PTPRA: variants seen among roughly 807,000 people sequenced by gnomAD.
The protein encoded by PTPRA is receptor-type tyrosine-protein phosphatase alpha.
A neutral mutation model predicts 104.8 loss-of-function variants in PTPRA; 25 were observed. The ratio of observed to expected loss-of-function variants is 0.24; its 90% confidence interval spans 0.17 to 0.33. The LOEUF (loss-of-function observed/expected upper bound fraction) is 0.33, where lower values mean the gene tolerates loss of function less well. Ranked by LOEUF, PTPRA falls within the 10% of genes least tolerant of loss-of-function variation. PTPRA has a pLI of 1.00. For synonymous variants in PTPRA, 323 were observed against 368.9 expected, an observed-to-expected ratio of 0.88 and a Z score of 1.43; for missense variants, 765 against 1,015.3, an observed-to-expected ratio of 0.75 and a Z score of 3.35.
chr20:2,898,784 G>C (rs2059118290), intron 1 of PTPRA, among the ~76,000 whole-genome samples: 1 of 151,978 alleles, frequency 6.6e-6, no homozygotes, highest in African/African-American at 2.4e-5. Context: ...CTTGAACCCG[G>C]GAGGCGGAGG....
In PTPRA at chr20:2,988,473, A is replaced by T; in HGVS notation, c.737A>T (p.Asn246Ile). 1 of 1,612,636 alleles carries T rather than the reference A, an allele frequency of 6.2e-7. No homozygotes were observed. The highest frequency in any genetic ancestry group is 1.1e-5 in the South Asian group (1 of 90,784). Residue 246 changes from asparagine (N) to isoleucine (I), a missense_variant and splice_region_variant, in exon 9 of 24, where the codon AAC becomes ATC. This residue lies in a region of PTPRA where 245 missense variants were observed against 398.7 expected (regional missense o/e 0.61). Coordinates refer to ENST00000399903, the MANE Select transcript of PTPRA (RefSeq NM_001385305.1). ...DDNKLFREEF[N>I]ALPACPIQAT... ...AATAAGCTCTTCAGGGAGGAATTCA[A>T]CGTGAGTACTTTGTTGAGGCTGGTG...
intron 20 of PTPRA, among the ~76,000 whole-genome samples, chr20:3,031,851 C>G (rs1483765003): frequency 6.6e-6 from 1 of 151,942 alleles, no homozygotes; most frequent in African/African-American, 2.4e-5. Flanking sequence ...ATTACCTTTC[C>G]TTATTCCCTC....
chr20:3,009,674 G>A (rs2064062902), intron 11 of PTPRA, among the ~76,000 whole-genome samples: 1 of 152,142 alleles, frequency 6.6e-6, no homozygotes, highest in South Asian at 2.1e-4. Flanking sequence ...AGTCGATAAG[G>A]AAAATGGAGA....
rs186666187 is a variant in PTPRA, at chr20:2,977,253, C to T, written c.442+2012C>T. Reference sequence around the variant, plus strand: ...ATCGCGCTCTTGGCTGCGATCCAGACTGCACTCCAGCCTGGGTGACAGAGC... The same window carrying T: ...ATCGCGCTCTTGGCTGCGATCCAGATTGCACTCCAGCCTGGGTGACAGAGC... On this transcript the variant is annotated intron_variant, in intron 6 of 23. Transcript: ENST00000399903. Among the ~76,000 whole-genome samples, 734 of 147,786 alleles carry T rather than the reference C, an allele frequency of 5.0e-3. 5 individuals carry two copies. The highest frequency in any genetic ancestry group is 0.018 in the African/African-American group (704 of 39,696).
At position 2,975,224 on chromosome 20, in the gene PTPRA, A is replaced by C; in HGVS notation, c.425A>C (p.Asp142Ala). Reference sequence around the variant, plus strand: ...TTTACTTATTACACAGGTAATTCTGACTCGAAGGACAGAAGAGGTGAGCTG... The same window carrying C: ...TTTACTTATTACACAGGTAATTCTGCCTCGAAGGACAGAAGAGGTGAGCTG... Reference protein sequence around the residue: ...PETFPPSGNSDSKDRRDETPI... With the variant: ...PETFPPSGNSASKDRRDETPI... The change falls in exon 6 of 24, where the codon GAC becomes GCC. Residue 142 changes from aspartate (D) to alanine (A), a missense_variant. By Grantham distance (126) the Asp-to-Ala change is moderately radical (BLOSUM62 -2). This residue lies in a region of PTPRA where 256 missense variants were observed against 248.9 expected (regional missense o/e 1.03). Transcript: ENST00000399903. 1.3e-6 allele frequency: 2 copies of C among 1,596,028 alleles called. No homozygotes were observed. Among genetic ancestry groups the C allele is most frequent in the Non-Finnish European group, 8.6e-7 (1 of 1,165,288 alleles).
At chr20:2,866,413 T>C in the PTPRA span, 1 of 1,614,118 alleles carries the variant, frequency 6.2e-7, no homozygotes, top group South Asian at 1.1e-5. Context: ...CCACCTCCTC[T>C]CTTGCTCAAA....
intron 20 of PTPRA, among the ~76,000 whole-genome samples, chr20:3,034,373 A>G (rs2065694578): frequency 2.6e-5 from 4 of 152,040 alleles, no homozygotes. Context: ...GCACACACAC[A>G]CTGTGGCTCA....
At chr20:2,866,638 G>T in the PTPRA span, 2 of 1,593,846 alleles carry the variant, frequency 1.3e-6, no homozygotes, top group Non-Finnish European at 1.7e-6. Flanking sequence ...TGGCAGAAGG[G>T]CCATAGTTCA....
chr20:3,002,746 A>C (rs1261859586), intron 9 of PTPRA, among the ~76,000 whole-genome samples: 2 of 152,166 alleles, frequency 1.3e-5, no homozygotes, highest in African/African-American at 2.4e-5. Flanking sequence ...ATAACAAGTA[A>C]TTCTTTAACA....
In PTPRA at chr20:3,024,483, C is replaced by T. The variant is rs1472375235; in HGVS notation, c.1476C>T (p.Val492=). Residue 492 remains valine (V), a synonymous_variant, in exon 17 of 24, where the codon GTC becomes GTT. Coordinates refer to ENST00000399903, the MANE Select transcript of PTPRA (RefSeq NM_001385305.1). ...CQMVQTDMQY[V]FIYQALLEHY... ...CATTCATGTTTCAGATGCAGTATGT[C>T]TTCATATACCAAGCCCTTCTGGAGC... The T allele has an allele frequency of 1.2e-6, 2 of 1,613,348 alleles. No homozygotes were observed. The highest frequency in any genetic ancestry group is 1.7e-6 in the Non-Finnish European group (2 of 1,179,492).
At chr20:2,867,948 C>G in the PTPRA span, among the ~76,000 whole-genome samples, 1 of 152,154 alleles carries the variant, frequency 6.6e-6, no homozygotes, top group Non-Finnish European at 1.5e-5. Flanking sequence ...TTATGTGGGT[C>G]AAGAATTTGG....
At chr20:2,975,939 T>A (rs1373073788) in intron 6 of PTPRA, among the ~76,000 whole-genome samples, 1 of 152,232 alleles carries the variant, frequency 6.6e-6, no homozygotes, top group Non-Finnish European at 1.5e-5. Context: ...AATTTTCTAT[T>A]TTATCAAATC....
chr20:3,025,038 TTGCAGGC>T (rs138794820), intron 17 of PTPRA, among the ~76,000 whole-genome samples: 10,376 of 152,232 alleles, frequency 0.068, 434 homozygotes, highest in Middle Eastern at 0.092. Flanking sequence ...AAAACTTTAT[TTGCAGGC>T]AGCAGGCAGC....
In PTPRA at chr20:3,019,471, G is replaced by T. The variant is rs1351164965; in HGVS notation, c.1041+1558G>T. 4.0e-5 allele frequency among the ~76,000 whole-genome samples: 6 copies of T among 149,120 alleles called. No homozygotes were observed. In the East Asian group the frequency reaches 1.0e-3, roughly 25 times the overall value. ...CAGGCAGAGATGCTCCTCACATCCC[G>T]GACGGGGCGGCAGGGCAGAGGTGCT... On this transcript the variant is annotated intron_variant, in intron 13 of 23. Transcript: ENST00000399903.
At chr20:2,920,274 C>G (rs1342624641) in intron 1 of PTPRA, among the ~76,000 whole-genome samples, 2 of 152,124 alleles carry the variant, frequency 1.3e-5, no homozygotes, top group African/African-American at 4.8e-5. Flanking sequence ...TTGGAAAGAG[C>G]TTGAGGCTGG....
chr20:2,975,455 C>T (rs1314061667), intron 6 of PTPRA, among the ~76,000 whole-genome samples: 1 of 152,140 alleles, frequency 6.6e-6, no homozygotes, highest in Non-Finnish European at 1.5e-5. Context: ...TGGATTCTAA[C>T]AGCTATGATG....
At chr20:2,886,178 T>C (rs1030499712) in intron 1 of PTPRA, among the ~76,000 whole-genome samples, 6 of 152,226 alleles carry the variant, frequency 3.9e-5, no homozygotes, top group Non-Finnish European at 7.3e-5. Flanking sequence ...TTGGGAGTAA[T>C]TTAAATTTGA....
chr20:3,036,743 A>C (rs900662044), intron 22 of PTPRA, among the ~76,000 whole-genome samples: 3 of 152,258 alleles, frequency 2.0e-5, no homozygotes, highest in African/African-American at 7.2e-5. Context: ...TTTGGGAAGA[A>C]AGTGAAAGAC....
chr20:2,867,529 CACTCCA>C, the PTPRA span, among the ~76,000 whole-genome samples: 2 of 148,834 alleles, frequency 1.3e-5, no homozygotes, highest in Admixed American at 1.3e-4. Flanking sequence ...CCTCCGTTGG[CACTCCA>C]GTGCACCCCC....
Sources: allele counts gnomAD v4.1 joint callset (sites outside exome capture counted in the v4.1 genomes callset), GRCh38; gene constraint gnomAD v4.1.1; regional missense constraint gnomAD v4.1.1; transcripts MANE v1.5; gene names NCBI Gene and HGNC (gene_info 2026-07-23, HGNC 2026-07-21).